The following MCPH1 variants were observed in gnomAD, a reference collection of about 807,000 sequenced individuals.
MCPH1 encodes the protein microcephalin 1, also known as microcephalin.
Under a neutral mutation model 84.5 loss-of-function variants are expected in MCPH1, and 104 were observed. That is an observed-to-expected ratio of 1.23 (90% CI 1.05 to 1.45). MCPH1 has a LOEUF of 1.45. Ranked by LOEUF, MCPH1 falls within the 40% of genes most tolerant of loss-of-function variation. The pLI, the probability that MCPH1 is intolerant of heterozygous loss-of-function variation, is 0.00. For missense variants in MCPH1, 1,498 were observed against 1,005.7 expected (o/e 1.49, Z -6.62); for synonymous variants, 514 against 366.8 (o/e 1.40, Z -4.58).
In MCPH1 at chr8:6,573,772, C is replaced by G. The variant is rs137951328; in HGVS notation, c.2215-47682C>G. On this transcript the variant is annotated intron_variant, in intron 12 of 13. Coordinates refer to ENST00000344683, the MANE Select transcript of MCPH1 (RefSeq NM_024596.5). ...TGCCCACCCCACTCTCCAGAGCAGA[C>G]AAGAAAACATGCCTGGATGTTAAAC... Among the ~76,000 whole-genome samples, 21 of 152,338 alleles carry G rather than the reference C, an allele frequency of 1.4e-4. No individual in the cohort carries two copies. In the East Asian group the frequency reaches 3.1e-3, roughly 22 times the overall value.
chr8:6,564,350 C>T (rs558256986), intron 12 of MCPH1, among the ~76,000 whole-genome samples: 83 of 152,188 alleles, frequency 5.5e-4, no homozygotes, highest in African/African-American at 1.8e-3. Context: ...TACATTAGTC[C>T]CCCTTGGTAT....
chr8:6,562,677 G>A, intron 12 of MCPH1: 2 of 1,590,246 alleles, frequency 1.3e-6, no homozygotes, highest in East Asian at 4.5e-5. Context: ...TGTTTTCCAT[G>A]ATGTTCTCCA....
chr8:6,473,825 G>C (rs116405243), intron 9 of MCPH1: 3 of 1,318,006 alleles, frequency 2.3e-6, no homozygotes, highest in Non-Finnish European at 3.0e-6. Context: ...TGATTGTAAA[G>C]TAGCTAGCCT....
chr8:6,446,995 G>A (rs537357569), intron 8 of MCPH1: 5 of 979,924 alleles, frequency 5.1e-6, no homozygotes, highest in Admixed American at 6.2e-5. Flanking sequence ...CAGTGGTGCA[G>A]GCCATCAGGC....
intron 3 of MCPH1, among the ~76,000 whole-genome samples, chr8:6,420,935 C>T (rs62504861): frequency 0.034 from 5,189 of 152,192 alleles, 121 homozygotes; most frequent in Non-Finnish European, 0.055. Flanking sequence ...ATTTAAAAGG[C>T]GTCAGAACAG....
At chr8:6,560,863 A>C (rs1468163709) in intron 12 of MCPH1, among the ~76,000 whole-genome samples, 1 of 152,212 alleles carries the variant, frequency 6.6e-6, no homozygotes, top group East Asian at 1.9e-4. Flanking sequence ...AAGTTAATTA[A>C]GCAAATACAA....
chr8:6,419,146 C>CAG (rs1554479123), intron 3 of MCPH1, among the ~76,000 whole-genome samples: 1,293 of 92,464 alleles, frequency 0.014, 18 homozygotes, highest in African/African-American at 0.049. Flanking sequence ...CACACACACA[C>CAG]ACACAGACAC....
rs200071210 is a variant in MCPH1 at position 6,442,102 on chromosome 8, A to C, written c.616A>C (p.Ser206Arg). 1.9e-6 allele frequency: 3 copies of C among 1,613,642 alleles called. No homozygotes were observed. Among genetic ancestry groups the C allele is most frequent in the African/African-American group, 1.3e-5 (1 of 74,934 alleles). ...QMIQQSHDNPSNSLCEAPLNI... is the reference protein window; with the variant it reads ...QMIQQSHDNPRNSLCEAPLNI... ...GATTCAGCAGTCTCATGATAATCCA[A>C]GTAACTCTCTGTGTGAAGCACCTTT... Residue 206 changes from serine to arginine, a missense_variant, in exon 7 of 14, where the codon AGT becomes CGT. Coordinates refer to ENST00000344683, the MANE Select transcript of MCPH1 (RefSeq NM_024596.5).
chr8:6,487,149 AT>A (rs1810034629), intron 11 of MCPH1, among the ~76,000 whole-genome samples: 1 of 152,276 alleles, frequency 6.6e-6, no homozygotes, highest in African/African-American at 2.4e-5. Context: ...TAATTCACTT[AT>A]AAATACAAGT....
intron 5 of MCPH1, among the ~76,000 whole-genome samples, chr8:6,437,633 T>C (rs2129554765): frequency 6.6e-6 from 1 of 152,326 alleles, no homozygotes; most frequent in African/African-American, 2.4e-5. Flanking sequence ...CTGCATCATT[T>C]GTTTCATGCT....
chr8:6,579,727 C>T (rs1215350197), intron 12 of MCPH1, among the ~76,000 whole-genome samples: 2 of 152,154 alleles, frequency 1.3e-5, no homozygotes, highest in African/African-American at 4.8e-5. Flanking sequence ...AACCAAAGGA[C>T]ACCAACAGCT....
intron 12 of MCPH1, chr8:6,527,717 ATTAGT>A: frequency 6.5e-7 from 1 of 1,541,902 alleles, no homozygotes; most frequent in Non-Finnish European, 8.8e-7. Context: ...TTATTTTTTA[ATTAGT>A]TTAACTTTCT....
chr8:6,521,775 A>C (rs539039814), intron 12 of MCPH1, among the ~76,000 whole-genome samples: 2 of 152,198 alleles, frequency 1.3e-5, no homozygotes, highest in Non-Finnish European at 2.9e-5. Flanking sequence ...TGCTTTTTTG[A>C]GAAGGGAGAG....
intron 9 of MCPH1, among the ~76,000 whole-genome samples, chr8:6,464,702 A>C (rs954751950): frequency 7.9e-5 from 12 of 152,232 alleles, no homozygotes; most frequent in African/African-American, 2.9e-4. Context: ...AGTCTATTTA[A>C]GATCTGCTGC....
At chr8:6,635,635 A>C (rs975870395) in intron 13 of MCPH1, among the ~76,000 whole-genome samples, 1 of 152,108 alleles carries the variant, frequency 6.6e-6, no homozygotes, top group African/African-American at 2.4e-5. Flanking sequence ...TACATGAAAC[A>C]AACTTTGTGT....
intron 12 of MCPH1, among the ~76,000 whole-genome samples, chr8:6,516,676 A>G (rs1471684074): frequency 2.0e-5 from 3 of 152,208 alleles, no homozygotes; most frequent in Admixed American, 6.5e-5. Context: ...GGATTCATGT[A>G]CATATATTGA....
At chr8:6,543,125 C>G (rs769854645) in intron 12 of MCPH1, among the ~76,000 whole-genome samples, 9 of 152,084 alleles carry the variant, frequency 5.9e-5, no homozygotes, top group Admixed American at 5.9e-4. Context: ...CCAAGACTTT[C>G]TGCTTCTTTA....
intron 12 of MCPH1, among the ~76,000 whole-genome samples, chr8:6,565,849 G>A (rs141178140): frequency 1.3e-5 from 2 of 152,350 alleles, no homozygotes; most frequent in East Asian, 1.9e-4. Context: ...GCCATGTGCA[G>A]CTGGCATGGA....
chr8:6,536,217 G>A (rs1226519608), intron 12 of MCPH1, among the ~76,000 whole-genome samples: 1 of 152,132 alleles, frequency 6.6e-6, no homozygotes, highest in East Asian at 1.9e-4. Context: ...ACTAGCGACA[G>A]GAACAGCCAC....
Sources: gnomAD v4.1 joint callset for allele counts (sites outside exome capture counted in the v4.1 genomes callset) on GRCh38, gnomAD v4.1.1 for gene constraint, MANE v1.5 for transcripts, NCBI Gene and HGNC (gene_info 2026-07-23, HGNC 2026-07-21) for gene names.